The following TSPAN18 variants were observed in gnomAD, a reference collection of about 807,000 sequenced individuals.
The protein encoded by TSPAN18 is tetraspanin-18.
In TSPAN18, 14 loss-of-function variants were observed where a neutral mutation model predicts 27.3. That is an observed-to-expected ratio of 0.51 (90% CI 0.34 to 0.80). The LOEUF (loss-of-function observed/expected upper bound fraction) is 0.80. TSPAN18 is among the 30% of genes least tolerant of loss of function. The probability of loss-of-function intolerance (pLI) is 0.01; values close to 1 mark genes in which losing one functional copy is unlikely to be tolerated. For missense variants in TSPAN18, 268 were observed against 323.9 expected, an observed-to-expected ratio of 0.83 and a Z score of 1.32; for synonymous variants, 143 against 136.5, an observed-to-expected ratio of 1.05 and a Z score of -0.33.
intron 1 of TSPAN18, among the ~76,000 whole-genome samples, chr11:44,727,541 G>A (rs1854546238): frequency 6.6e-6 from 1 of 152,316 alleles, no homozygotes; most frequent in African/African-American, 2.4e-5. Flanking sequence ...CCCAGGACAG[G>A]TGCAGAGCCG....
chr11:44,742,839 C>G (rs1429849737), intron 1 of TSPAN18, among the ~76,000 whole-genome samples: 1 of 152,246 alleles, frequency 6.6e-6, no homozygotes, highest in Non-Finnish European at 1.5e-5. Context: ...CTCCCATTGA[C>G]AGAGACCCTT....
At chr11:44,923,192 G>A (rs1205292334) in intron 8 of TSPAN18, among the ~76,000 whole-genome samples, 4 of 152,192 alleles carry the variant, frequency 2.6e-5, no homozygotes, top group Non-Finnish European at 4.4e-5. Flanking sequence ...GAGCTGGAGG[G>A]GTCGGTGCTG....
chr11:44,924,152 A>C (rs182357643), intron 8 of TSPAN18, among the ~76,000 whole-genome samples: 1 of 141,542 alleles, frequency 7.1e-6, no homozygotes, highest in Admixed American at 7.1e-5. Context: ...AGTGACACCC[A>C]ACTCTATGCT....
intron 2 of TSPAN18, among the ~76,000 whole-genome samples, chr11:44,817,110 T>TA (rs1470230829): frequency 6.6e-6 from 1 of 152,192 alleles, no homozygotes; most frequent in Non-Finnish European, 1.5e-5. Flanking sequence ...AGCTTCCCTT[T>TA]AGGGATGCCC....
intron 2 of TSPAN18, among the ~76,000 whole-genome samples, chr11:44,834,101 G>A (rs574083779): frequency 1.3e-5 from 2 of 151,966 alleles, no homozygotes; most frequent in South Asian, 4.2e-4. Flanking sequence ...CAGGAACCAC[G>A]AGATTGCTGA....
intron 2 of TSPAN18, among the ~76,000 whole-genome samples, chr11:44,843,106 A>C (rs924074266): frequency 2.6e-5 from 4 of 152,252 alleles, no homozygotes; most frequent in Non-Finnish European, 5.9e-5. Flanking sequence ...AGCATATAGC[A>C]GTAGTTTGTT....
At chr11:44,792,504 C>T (rs935252072) in intron 2 of TSPAN18, among the ~76,000 whole-genome samples, 5 of 152,194 alleles carry the variant, frequency 3.3e-5, no homozygotes, top group African/African-American at 1.2e-4. Flanking sequence ...GCCTGGCACA[C>T]AGTAGGTGCT....
rs986360740 is a variant in TSPAN18 at position 44,931,163 on chromosome 11, A to G, written c.*1985A>G. 5.7e-6 allele frequency: 2 copies of G among 350,152 alleles called. No individual in the cohort carries two copies. Among genetic ancestry groups the G allele is most frequent in the African/African-American group, 2.1e-5 (1 of 46,528 alleles). The allele number at this position is 350,152 out of a possible 1,614,324, so 21.7% of individuals were successfully genotyped here. A position where few individuals can be genotyped will look rare whatever the true frequency, so the allele number is the denominator to read the frequency against. The stretch of plus-strand genomic sequence containing the variant: ...ACAGCTTGCTCTGGCAACCCCATAA[A>G]TGACACCTGAGGTCCGTAGAAGCTA... On this transcript the variant is annotated 3_prime_UTR_variant, in exon 10 of 10. Coordinates refer to ENST00000520358, the MANE Select transcript of TSPAN18 (RefSeq NM_130783.5).
At chr11:44,769,174 C>T (rs112830117) in intron 2 of TSPAN18, among the ~76,000 whole-genome samples, 11,553 of 152,126 alleles carry the variant, frequency 0.076, 686 homozygotes, top group African/African-American at 0.17. Flanking sequence ...GGATTGCAGG[C>T]GTGAGCCACT....
intron 1 of TSPAN18, among the ~76,000 whole-genome samples, chr11:44,745,942 G>A (rs1224288227): frequency 1.3e-5 from 2 of 152,206 alleles, no homozygotes; most frequent in Non-Finnish European, 2.9e-5. Flanking sequence ...CAGGAGAATG[G>A]CCTGAACCCG....
At chr11:44,890,640 G>A (rs1052861414) in intron 3 of TSPAN18, among the ~76,000 whole-genome samples, 7 of 151,276 alleles carry the variant, frequency 4.6e-5, no homozygotes, top group African/African-American at 1.5e-4. Context: ...GGAGAATGGC[G>A]TGAACCCAGG....
At chr11:44,814,573 A>G (rs12366098) in intron 2 of TSPAN18, among the ~76,000 whole-genome samples, 27,626 of 152,152 alleles carry the variant, frequency 0.18, 2,778 homozygotes, top group South Asian at 0.38. Context: ...GTGCCATGCT[A>G]TGCACCAAGC....
At chr11:44,797,396 G>C (rs1031300565) in intron 2 of TSPAN18, among the ~76,000 whole-genome samples, 1 of 152,166 alleles carries the variant, frequency 6.6e-6, no homozygotes, top group Admixed American at 6.5e-5. Context: ...GAGGGAATGA[G>C]AGGGGAAAGG....
chr11:44,918,782 G>A (rs1192777190), intron 6 of TSPAN18, among the ~76,000 whole-genome samples: 1 of 151,994 alleles, frequency 6.6e-6, no homozygotes, highest in Non-Finnish European at 1.5e-5. Context: ...AGAAACTGTG[G>A]AGGACTCCTC....
chr11:44,745,569 C>T (rs745447539), intron 1 of TSPAN18, among the ~76,000 whole-genome samples: 4 of 152,146 alleles, frequency 2.6e-5, no homozygotes, highest in Non-Finnish European at 4.4e-5. Flanking sequence ...GGGGGGTGTC[C>T]AGAAGGGGCA....
chr11:44,757,582 G>T (rs1855361147), intron 1 of TSPAN18, among the ~76,000 whole-genome samples: 1 of 152,036 alleles, frequency 6.6e-6, no homozygotes, highest in South Asian at 2.1e-4. Context: ...ACAGAGTTTT[G>T]CTATGTTGCC....
At chr11:44,798,286 A>C (rs1301430847) in intron 2 of TSPAN18, among the ~76,000 whole-genome samples, 1 of 152,252 alleles carries the variant, frequency 6.6e-6, no homozygotes, top group African/African-American at 2.4e-5. Context: ...TGTGGTGAGC[A>C]GCTTTCCTGC....
intron 2 of TSPAN18, among the ~76,000 whole-genome samples, chr11:44,834,801 A>C (rs1857230735): frequency 6.6e-6 from 1 of 152,214 alleles, no homozygotes; most frequent in Non-Finnish European, 1.5e-5. Context: ...GATGCCCTAG[A>C]AGTAGACACC....
At chr11:44,799,522 C>T (rs544839986) in intron 2 of TSPAN18, among the ~76,000 whole-genome samples, 10 of 152,296 alleles carry the variant, frequency 6.6e-5, no homozygotes, top group Admixed American at 5.2e-4. Flanking sequence ...CGTCAATGAG[C>T]GGGCAGTAGC....
Sources: gnomAD v4.1 joint callset for allele counts (sites outside exome capture counted in the v4.1 genomes callset) on GRCh38, gnomAD v4.1.1 for gene constraint, MANE v1.5 for transcripts, NCBI Gene and HGNC (gene_info 2026-07-23, HGNC 2026-07-21) for gene names.